USP43: variants seen among roughly 807,000 people sequenced by gnomAD.
USP43 encodes ubiquitin specific peptidase 43.
A neutral mutation model predicts 90.7 loss-of-function variants in USP43; 33 were observed. The ratio of observed to expected loss-of-function variants is 0.36; its 90% confidence interval spans 0.28 to 0.49. The LOEUF is 0.49. Ranked by LOEUF, USP43 falls within the 20% of genes least tolerant of loss-of-function variation. The probability of loss-of-function intolerance (pLI) is 0.98; values close to 1 mark genes in which losing one functional copy is unlikely to be tolerated. For synonymous variants in USP43, 598 were observed against 615.8 expected (o/e 0.97, Z 0.43); for missense variants, 1,274 against 1,476.4 (o/e 0.86, Z 2.25).
intron 10 of USP43, 53 bp downstream of exon 10, chr17:9,700,302 C>T (rs376238067): frequency 1.1e-5 from 16 of 1,518,322 alleles, no homozygotes; most frequent in African/African-American, 1.4e-5. Context: ...CCTGTGTGTG[C>T]CCAGGTTTCC....
In USP43 at chr17:9,686,768, T is replaced by C. The variant is rs769686598; in HGVS notation, c.1242-30T>C. On this transcript the variant is annotated intron_variant, in intron 7 of 14. Coordinates refer to ENST00000285199, the MANE Select transcript of USP43 (RefSeq NM_153210.5). This position sits in a 1 kb window ranked among gnomAD's most constrained non-coding sequence, Gnocchi z 5.5. ...TGGATGTTGCTGGTTTTTCCTTTGC[T>C]GGGATAACCCGATTTCCTTGGATTT... The C allele has an allele frequency of 3.1e-6, 5 of 1,606,214 alleles. No homozygotes were observed. Among genetic ancestry groups the C allele is most frequent in the Non-Finnish European group, 4.3e-6 (5 of 1,174,294 alleles).
At chr17:9,721,181 C>T (rs1326933634) in intron 14 of USP43, among the ~76,000 whole-genome samples, 1 of 152,136 alleles carries the variant, frequency 6.6e-6, no homozygotes, top group Non-Finnish European at 1.5e-5. Context: ...CCCAGAGACC[C>T]CTTGGTAATA....
rs115683595 is a variant in USP43, at chr17:9,672,718, C to T, written c.741-2173C>T. On this transcript the variant is annotated intron_variant, in intron 3 of 14. Transcript: ENST00000285199. The stretch of plus-strand genomic sequence containing the variant: ...TACAATGCTTTCAACAAAAACACTA[C>T]CATGGGTCTCCCAAAGGGAAATGAC... Among the ~76,000 whole-genome samples, 1,107 of 152,250 alleles carry T rather than the reference C, an allele frequency of 7.3e-3. 13 individuals are homozygous for T. Among genetic ancestry groups the T allele is most frequent in the African/African-American group, 0.025 (1,033 of 41,536 alleles).
chr17:9,705,278 GT>G (rs1360346196), intron 12 of USP43, among the ~76,000 whole-genome samples: 2 of 145,962 alleles, frequency 1.4e-5, no homozygotes, highest in African/African-American at 5.0e-5. Flanking sequence ...ACTATTTACT[GT>G]GTTGCACCTG....
chr17:9,681,598 A>G (rs1195854117), intron 6 of USP43, among the ~76,000 whole-genome samples: 8 of 146,574 alleles, frequency 5.5e-5, no homozygotes, highest in African/African-American at 2.0e-4. Context: ...GGTTCAAGTG[A>G]TTCTCCTGCC....
intron 12 of USP43, among the ~76,000 whole-genome samples, chr17:9,702,208 GA>G (rs370111552): frequency 0.039 from 5,752 of 146,140 alleles, 270 homozygotes; most frequent in African/African-American, 0.12. Context: ...CAAAAAAAAT[GA>G]AAAAAAAAAA....
chr17:9,662,820 CTT>C (rs758792118), intron 2 of USP43, among the ~76,000 whole-genome samples: 22 of 140,682 alleles, frequency 1.6e-4, no homozygotes, highest in Non-Finnish European at 9.2e-5. Flanking sequence ...TATATGATCT[CTT>C]TTTTTTTTTT....
At chr17:9,702,813 G>A (rs142723371) in intron 12 of USP43, among the ~76,000 whole-genome samples, 1,822 of 152,252 alleles carry the variant, frequency 0.012, 18 homozygotes, top group South Asian at 0.021. Flanking sequence ...CATGATTTCC[G>A]CCATCGGAGA....
intron 3 of USP43, among the ~76,000 whole-genome samples, chr17:9,673,111 T>C (rs1208745933): frequency 6.6e-6 from 1 of 152,236 alleles, no homozygotes; most frequent in Non-Finnish European, 1.5e-5. Context: ...ATGTAGATTT[T>C]AGGATTAGTA....
At chr17:9,673,100 A>G (rs906248008) in intron 3 of USP43, among the ~76,000 whole-genome samples, 1 of 152,226 alleles carries the variant, frequency 6.6e-6, no homozygotes, top group Non-Finnish European at 1.5e-5. Flanking sequence ...CAGCGAAGTT[A>G]ATGTAGATTT....
intron 14 of USP43, among the ~76,000 whole-genome samples, chr17:9,726,547 C>T (rs1917283973): frequency 6.6e-6 from 1 of 152,208 alleles, no homozygotes; most frequent in Non-Finnish European, 1.5e-5. Context: ...TGTGTCCTCA[C>T]ATGGCAGGAA....
chr17:9,650,971 C>T (rs189528978), intron 1 of USP43, among the ~76,000 whole-genome samples: 1 of 152,246 alleles, frequency 6.6e-6, no homozygotes, highest in East Asian at 1.9e-4. Context: ...GTCTTTCATC[C>T]TTCACCCGTC....
At chr17:9,705,651 G>T (rs371512284) in intron 12 of USP43, among the ~76,000 whole-genome samples, 10 of 151,492 alleles carry the variant, frequency 6.6e-5, no homozygotes, top group African/African-American at 2.4e-4. Context: ...GCTACTCGGG[G>T]GGCTGAGGCA....
rs1390730266 is a variant in USP43, at chr17:9,645,759, G to T, written c.127G>T (p.Asp43Tyr). ...GCTGGGCAGCCGCTCACGCCCCGGGGACTCACCGCCCCGGCCCCAGCCGGG... is the reference window on the plus strand; with the variant it reads ...GCTGGGCAGCCGCTCACGCCCCGGGTACTCACCGCCCCGGCCCCAGCCGGG... Reference protein sequence around the residue: ...LALGSRSRPGDSPPRPQPGHC... With the variant: ...LALGSRSRPGYSPPRPQPGHC... The change falls in exon 1 of 15, where the codon GAC becomes TAC. Residue 43 changes from aspartate to tyrosine, a missense_variant. Asp to Tyr is a radical substitution (Grantham distance 160, BLOSUM62 -3). This residue lies in a region of USP43 where 112 missense variants were observed against 106.6 expected (regional missense o/e 1.05). Coordinates refer to ENST00000285199, the MANE Select transcript of USP43 (RefSeq NM_153210.5). This position sits in a 1 kb window ranked among gnomAD's most constrained non-coding sequence, Gnocchi z 6.8. 4.3e-6 allele frequency: 6 copies of T among 1,397,548 alleles called. No homozygotes were observed. In the East Asian group the frequency reaches 1.8e-4, roughly 43 times the overall value. The allele number at this position is 1,397,548 out of a possible 1,614,324, so 86.6% of individuals were successfully genotyped here.
rs941004040 is a variant in USP43 at position 9,650,834 on chromosome 17, G to A, written c.504+4698G>A. ...TTAATTTATTGAACAAAAAGAAATA[G>A]CATATTTTTAAAAATTTTAATAGGT... On this transcript the variant is annotated intron_variant, in intron 1 of 14. Transcript: ENST00000285199. Among the ~76,000 whole-genome samples the A allele has an allele frequency of 7.2e-5, 11 of 152,170 alleles. No individual in the cohort carries two copies. The East Asian group carries it at 2.1e-3, about 29-fold the overall frequency.
intron 5 of USP43, among the ~76,000 whole-genome samples, chr17:9,678,659 G>A (rs1212623574): frequency 2.0e-5 from 3 of 151,984 alleles, no homozygotes; most frequent in Non-Finnish European, 4.4e-5. Flanking sequence ...ATTTATTTAT[G>A]TCATCTTATT....
chr17:9,710,099 A>G lies in USP43; in HGVS notation c.2155A>G (p.Ser719Gly), dbSNP rs1398601774. 3.3e-6 allele frequency: 5 copies of G among 1,518,678 alleles called. No homozygotes were observed. The Admixed American group carries it at 1.0e-4, about 32-fold the overall frequency. The allele number at this position is 1,518,678 out of a possible 1,614,324, so 94.1% of individuals were successfully genotyped here. A position where few individuals can be genotyped will look rare whatever the true frequency, so the allele number is the denominator to read the frequency against. Residue 719 changes from serine (S) to glycine (G), a missense_variant, in exon 13 of 15, where the codon AGC (serine) becomes GGC (glycine). Coordinates refer to ENST00000285199, the MANE Select transcript of USP43 (RefSeq NM_153210.5). The part of the protein sequence containing the change: ...KRNSIPPWSA[S>G]SSMRGSTSSS... ...GAACAGCATCCCTCCCTGGTCAGCC[A>G]GCAGCTCCATGAGAGGTAGGTGCTG...
intron 1 of USP43, among the ~76,000 whole-genome samples, chr17:9,654,545 G>T (rs1912099232): frequency 6.6e-6 from 1 of 151,762 alleles, no homozygotes; most frequent in African/African-American, 2.4e-5. Flanking sequence ...AGCTACTTGG[G>T]AGGCTGAGGC....
At chr17:9,653,457 A>G (rs957200801) in intron 1 of USP43, among the ~76,000 whole-genome samples, 3 of 152,142 alleles carry the variant, frequency 2.0e-5, no homozygotes, top group African/African-American at 7.2e-5. Flanking sequence ...GTGTGGTGGC[A>G]GGCCCCTGTA....
Sources: allele counts gnomAD v4.1 joint callset (sites outside exome capture counted in the v4.1 genomes callset), GRCh38; gene constraint gnomAD v4.1.1; regional missense constraint gnomAD v4.1.1; non-coding constraint Gnocchi (gnomAD v3.1); transcripts MANE v1.5; gene names NCBI Gene and HGNC (gene_info 2026-07-23, HGNC 2026-07-21).